MGMT: variants seen among roughly 807,000 people sequenced by gnomAD.
The protein encoded by MGMT is O-6-methylguanine-DNA methyltransferase.
Under a neutral mutation model 15.9 loss-of-function variants are expected in MGMT, and 14 were observed. The observed-to-expected ratio is 0.88, with a 90% CI of 0.58 to 1.37. The LOEUF is 1.37. Among genes scored for constraint, MGMT ranks in the 40% most tolerant of loss-of-function variants. The pLI, the probability that MGMT is intolerant of heterozygous loss-of-function variation, is 0.00. For synonymous variants in MGMT, 130 were observed against 118.2 expected (o/e 1.10, Z -0.65); for missense variants, 282 against 268.1 (o/e 1.05, Z -0.36).
intron 2 of MGMT, among the ~76,000 whole-genome samples, chr10:129,586,823 C>G (rs986107941): frequency 2.0e-5 from 3 of 152,144 alleles, no homozygotes; most frequent in Non-Finnish European, 4.4e-5. Context: ...GTGGCTGCAT[C>G]CCTCTGCCGT....
chr10:129,651,253 C>G (rs1470616641), intron 2 of MGMT, among the ~76,000 whole-genome samples: 1 of 152,116 alleles, frequency 6.6e-6, no homozygotes, highest in Non-Finnish European at 1.5e-5. Flanking sequence ...CTTAGGTGCT[C>G]GTTTCTCCAG....
chr10:129,721,815 T>A (rs201843042), intron 3 of MGMT, among the ~76,000 whole-genome samples: 83,615 of 151,908 alleles, frequency 0.55, 23,258 homozygotes, highest in Middle Eastern at 0.71. Context: ...ATTCTTTTAT[T>A]AGAATTAGCA....
chr10:129,617,949 A>G (rs533344254), intron 2 of MGMT, among the ~76,000 whole-genome samples: 1 of 151,040 alleles, frequency 6.6e-6, no homozygotes, highest in Admixed American at 6.5e-5. Context: ...TACCCCCTCC[A>G]GCCCATGAAC....
At chr10:129,702,960 G>C (rs556447944) in intron 2 of MGMT, among the ~76,000 whole-genome samples, 29 of 152,328 alleles carry the variant, frequency 1.9e-4, no homozygotes, top group African/African-American at 6.7e-4. Flanking sequence ...AGGGCCGAGC[G>C]CGGCAGGGAA....
At chr10:129,755,887 G>T (rs1177390017) in intron 3 of MGMT, among the ~76,000 whole-genome samples, 1 of 152,180 alleles carries the variant, frequency 6.6e-6, no homozygotes, top group Non-Finnish European at 1.5e-5. Context: ...GGCTGGTCCC[G>T]GTCTGTGTCC....
intron 2 of MGMT, among the ~76,000 whole-genome samples, chr10:129,644,277 T>C (rs576821656): frequency 5.9e-5 from 9 of 152,286 alleles, no homozygotes; most frequent in Admixed American, 1.3e-4. Flanking sequence ...AGTGAGTACA[T>C]TGAAGTACAT....
At chr10:129,742,346 G>T (rs1036909012) in intron 3 of MGMT, among the ~76,000 whole-genome samples, 2 of 152,230 alleles carry the variant, frequency 1.3e-5, no homozygotes, top group African/African-American at 2.4e-5. Context: ...CACACCATGC[G>T]TAGGGCTGGA....
intron 2 of MGMT, among the ~76,000 whole-genome samples, chr10:129,608,163 T>A (rs1013357722): frequency 1.3e-5 from 2 of 152,256 alleles, no homozygotes; most frequent in African/African-American, 4.8e-5. Context: ...GTTGCCACGT[T>A]GACTTGCAAT....
Position 129,530,644 on chromosome 10 carries a change from G to T in MGMT, c.-12-5597G>T, listed in dbSNP as rs186125107. Among the ~76,000 whole-genome samples, 5 of 152,374 alleles carry T rather than the reference G, an allele frequency of 3.3e-5. No homozygotes were observed. The East Asian group carries it at 9.7e-4, about 29-fold the overall frequency. ...GACCAGTCTTGACAGAGCTGCCAGA[G>T]GGAGCCTCGAAATGCAAACCAGCTG... On this transcript the variant is annotated intron_variant, in intron 1 of 4. Coordinates refer to ENST00000651593, the MANE Select transcript of MGMT (RefSeq NM_002412.5).
At chr10:129,703,368 G>A (rs1468249140) in intron 2 of MGMT, among the ~76,000 whole-genome samples, 1 of 152,184 alleles carries the variant, frequency 6.6e-6, no homozygotes. Context: ...CAGAGGCTTG[G>A]TGTGCACCCC....
chr10:129,518,325 G>GACACAC (rs1293188269), intron 1 of MGMT, among the ~76,000 whole-genome samples: 1,915 of 88,050 alleles, frequency 0.022, 68 homozygotes, highest in African/African-American at 0.078. Context: ...TGTGTGTACA[G>GACACAC]ATACACACAC....
intron 3 of MGMT, among the ~76,000 whole-genome samples, chr10:129,745,793 T>C (rs972259023): frequency 1.3e-5 from 2 of 152,228 alleles, no homozygotes; most frequent in Non-Finnish European, 2.9e-5. Flanking sequence ...TTTGCCTTTT[T>C]TTTAAGTTAG....
chr10:129,639,194 GA>G (rs901749664), intron 2 of MGMT, among the ~76,000 whole-genome samples: 2 of 151,896 alleles, frequency 1.3e-5, no homozygotes, highest in Non-Finnish European at 2.9e-5. Context: ...TTGTTTAAGA[GA>G]AAAAAATAGA....
chr10:129,473,283 C>T (rs1292901137), intron 1 of MGMT, among the ~76,000 whole-genome samples: 3 of 152,148 alleles, frequency 2.0e-5, no homozygotes, highest in East Asian at 1.9e-4. Flanking sequence ...TGCAGCATTT[C>T]GTGTGTTTGT....
intron 3 of MGMT, among the ~76,000 whole-genome samples, chr10:129,729,195 C>T (rs1366214374): frequency 6.6e-6 from 1 of 152,094 alleles, no homozygotes; most frequent in East Asian, 1.9e-4. Flanking sequence ...ACAGGATGAG[C>T]ATGGACTCTT....
rs1045109080 is a variant in MGMT, at chr10:129,687,071, A to G, written c.126-20824A>G. ...CCCTCCCATCTCCTTAGTCGCTGCAACCCTGTGTCACAAATAGTAGGTTCT... is the reference window on the plus strand; with the variant it reads ...CCCTCCCATCTCCTTAGTCGCTGCAGCCCTGTGTCACAAATAGTAGGTTCT... On this transcript the variant is annotated intron_variant, in intron 2 of 4. Transcript: ENST00000651593. Among the ~76,000 whole-genome samples the G allele has an allele frequency of 1.2e-4, 19 of 152,146 alleles. 1 individual carries two copies. The highest frequency in any genetic ancestry group is 3.6e-4 in the African/African-American group (15 of 41,422).
chr10:129,680,072 A>G (rs1159398557), intron 2 of MGMT, among the ~76,000 whole-genome samples: 1 of 152,254 alleles, frequency 6.6e-6, no homozygotes, highest in Non-Finnish European at 1.5e-5. Context: ...TTCAGTGGCC[A>G]ACGAGCCCAG....
At chr10:129,628,765 C>T (rs1239723478) in intron 2 of MGMT, among the ~76,000 whole-genome samples, 1 of 152,170 alleles carries the variant, frequency 6.6e-6, no homozygotes, top group Admixed American at 6.5e-5. Flanking sequence ...CTGGCCCTCA[C>T]GGGGCTGTTA....
intron 2 of MGMT, among the ~76,000 whole-genome samples, chr10:129,583,286 TC>T (rs1398315865): frequency 1.3e-5 from 2 of 152,166 alleles, no homozygotes; most frequent in Non-Finnish European, 2.9e-5. Context: ...TATTCTAAAA[TC>T]AACATAAAAA....
Sources: allele counts gnomAD v4.1 joint callset (sites outside exome capture counted in the v4.1 genomes callset), GRCh38; gene constraint gnomAD v4.1.1; transcripts MANE v1.5; gene names NCBI Gene and HGNC (gene_info 2026-07-23, HGNC 2026-07-21).